The following MAP3K10 variants were observed in gnomAD, a reference collection of about 807,000 sequenced individuals.
MAP3K10 encodes the protein mitogen-activated protein kinase kinase kinase 10.
A neutral mutation model predicts 75.0 loss-of-function variants in MAP3K10; 22 were observed. That is an observed-to-expected ratio of 0.29 (90% CI 0.21 to 0.42). MAP3K10 has a LOEUF of 0.42. MAP3K10 is among the 10% of genes least tolerant of loss of function. The pLI is 1.00. For missense variants in MAP3K10, 1,165 were observed against 1,379.8 expected, an observed-to-expected ratio of 0.84 and a Z score of 2.47; for synonymous variants, 599 against 612.9, an observed-to-expected ratio of 0.98 and a Z score of 0.34.
chr19:40,213,431 G>A lies in MAP3K10; in HGVS notation c.1838-86G>A. 1 of 1,545,248 alleles carries A rather than the reference G, an allele frequency of 6.5e-7. No homozygotes were observed. The highest frequency in any genetic ancestry group is 2.4e-5 in the East Asian group (1 of 41,702). On this transcript the variant is annotated intron_variant, in intron 8 of 9. Coordinates refer to ENST00000253055, the MANE Select transcript of MAP3K10 (RefSeq NM_002446.4). The surrounding 1 kb of genome is among the most constrained non-coding windows in gnomAD (Gnocchi z 5.7). ...GTGGGTCTTGGTCTTGCTGTTGGAG[G>A]GGTCATCGGGGGCTGTCCCTTGGCA... is the stretch of plus-strand genomic sequence containing the variant.
At position 40,191,705 on chromosome 19, in the gene MAP3K10, T is replaced by C; in HGVS notation, c.-327T>C. The C allele has an allele frequency of 8.8e-6, 2 of 227,966 alleles. No homozygotes were observed. Among genetic ancestry groups the C allele is most frequent in the Non-Finnish European group, 1.7e-5 (2 of 118,354 alleles). The allele number at this position is 227,966 out of a possible 1,614,324, so 14.1% of individuals were successfully genotyped here. On this transcript the variant is annotated 5_prime_UTR_variant, in exon 1 of 10. Transcript: ENST00000253055. Reference sequence around the variant, plus strand: ...CGGGGACTGCCTGCCGCCCTCGCCCTCGTCCCCCACCGGCGGACCCCGGCG... The same window carrying C: ...CGGGGACTGCCTGCCGCCCTCGCCCCCGTCCCCCACCGGCGGACCCCGGCG...
chr19:40,209,164 T>C lies in MAP3K10; in HGVS notation c.1497T>C (p.Asp499=). The stretch of plus-strand genomic sequence containing the variant: ...CTCTGGATAAGCGGAAAGGATCCGA[T>C]GGGGCCAGCCCCCCTGCAAGCCCCA... The part of the protein sequence containing the change: ...SPTLDKRKGS[D]GASPPASPSI... The change falls in exon 6 of 10, where the codon GAT becomes GAC. Residue 499 remains aspartate (D), a synonymous_variant. Coordinates refer to ENST00000253055, the MANE Select transcript of MAP3K10 (RefSeq NM_002446.4). The C allele has an allele frequency of 6.2e-7, 1 of 1,614,220 alleles. No individual in the cohort carries two copies. The highest frequency in any genetic ancestry group is 8.5e-7 in the Non-Finnish European group (1 of 1,180,024).
At chr19:40,195,294 C>A (rs1972884188) in intron 1 of MAP3K10, among the ~76,000 whole-genome samples, 1 of 151,910 alleles carries the variant, frequency 6.6e-6, no homozygotes, top group Admixed American at 6.6e-5. Context: ...TTAGGCCCAG[C>A]CTGGGAAATA....
At chr19:40,202,684 C>T (rs965519117) in intron 2 of MAP3K10, among the ~76,000 whole-genome samples, 5 of 152,152 alleles carry the variant, frequency 3.3e-5, no homozygotes, top group Admixed American at 6.6e-5. Context: ...CTCACTCTCC[C>T]ACGCAGGCTA....
chr19:40,200,980 G>A (rs531323697), intron 2 of MAP3K10, among the ~76,000 whole-genome samples: 49 of 151,870 alleles, frequency 3.2e-4, no homozygotes, highest in African/African-American at 1.2e-3. Flanking sequence ...ACACCTCCCC[G>A]CCATAAACTT....
At position 40,206,000 on chromosome 19, in the gene MAP3K10, G is replaced by A; in HGVS notation, c.1278G>A (p.Leu426=). 1 of 1,612,472 alleles carries A rather than the reference G, an allele frequency of 6.2e-7. No individual in the cohort carries two copies. Among genetic ancestry groups the A allele is most frequent in the East Asian group, 2.2e-5 (1 of 44,808 alleles). ...EEQLRRREQE[L]AEREMDIVER... is the part of the protein sequence containing the mutation. ...AGCTGCGGCGGCGGGAGCAGGAGCT[G>A]GCAGAACGTGAGATGGACATCGTGG... Residue 426 remains leucine, a synonymous_variant, in exon 5 of 10, where the codon CTG becomes CTA. Transcript: ENST00000253055. The surrounding 1 kb of genome is among the most constrained non-coding windows in gnomAD (Gnocchi z 4.3).
At chr19:40,197,251 C>T (rs1382296587) in intron 1 of MAP3K10, among the ~76,000 whole-genome samples, 1 of 152,158 alleles carries the variant, frequency 6.6e-6, no homozygotes, top group Non-Finnish European at 1.5e-5. Flanking sequence ...TTGGAATTGG[C>T]ACCCTGTCAT....
chr19:40,205,918 G>A lies in MAP3K10; in HGVS notation c.1196G>A (p.Arg399Gln), dbSNP rs750430245. The A allele has an allele frequency of 2.8e-5, 43 of 1,559,800 alleles. No individual in the cohort carries two copies. The highest frequency in any genetic ancestry group is 9.6e-6 in the Non-Finnish European group (11 of 1,150,034). The change falls in exon 5 of 10, where the codon CGG becomes CAG. Residue 399 changes from arginine to glutamine, a missense_variant. By Grantham distance (43) the Arg-to-Gln change is conservative. Transcript: ENST00000253055. The surrounding 1 kb of genome is among the most constrained non-coding windows in gnomAD (Gnocchi z 4.3). ...DDLRTKEKEL[R>Q]SREEELLRAA... ...ACCGCCTCTCCTTCCCAGGAGCTTC[G>A]GAGCCGTGAGGAGGAGCTGCTGCGG... is the stretch of plus-strand genomic sequence containing the variant.
intron 2 of MAP3K10, among the ~76,000 whole-genome samples, chr19:40,203,426 A>G (rs565596830): frequency 1.3e-3 from 203 of 152,340 alleles, no homozygotes; most frequent in South Asian, 5.6e-3. Context: ...CAGAATGGCC[A>G]TCAGGATCTG....
chr19:40,196,739 G>C (rs1169353510), intron 1 of MAP3K10, among the ~76,000 whole-genome samples: 1 of 151,998 alleles, frequency 6.6e-6, no homozygotes, highest in Non-Finnish European at 1.5e-5. Flanking sequence ...GGCTGGTCTC[G>C]GTCTCCTGAC....
At chr19:40,208,022 C>T (rs1018076925) in intron 5 of MAP3K10, among the ~76,000 whole-genome samples, 4 of 151,950 alleles carry the variant, frequency 2.6e-5, no homozygotes, top group Non-Finnish European at 4.4e-5. Flanking sequence ...GCTACTGTAC[C>T]TGACCCATCA....
chr19:40,191,953 C>T lies in MAP3K10; in HGVS notation c.-79C>T, dbSNP rs1366867551. 9.5e-7 allele frequency: 1 copy of T among 1,053,864 alleles called. No homozygotes were observed. Among genetic ancestry groups the T allele is most frequent in the Admixed American group, 3.4e-5 (1 of 29,462 alleles). 65.3% of individuals were successfully genotyped at this position (1,053,864 alleles called of 1,614,324 possible). A position where few individuals can be genotyped will look rare whatever the true frequency, so the allele number is the denominator to read the frequency against. Reference sequence around the variant, plus strand: ...GACCCCGCAGGGACTGCCCTCCATCCCGGCCGCCGGGGCCCGCCCTCTGCA... The same window carrying T: ...GACCCCGCAGGGACTGCCCTCCATCTCGGCCGCCGGGGCCCGCCCTCTGCA... On this transcript the variant is annotated 5_prime_UTR_variant, in exon 1 of 10. Coordinates refer to ENST00000253055, the MANE Select transcript of MAP3K10 (RefSeq NM_002446.4).
intron 2 of MAP3K10, among the ~76,000 whole-genome samples, chr19:40,200,014 G>A (rs1179150025): frequency 6.6e-6 from 1 of 151,742 alleles, no homozygotes; most frequent in Non-Finnish European, 1.5e-5. Context: ...CAAAAATTCG[G>A]CCAGGCGCGG....
intron 1 of MAP3K10, among the ~76,000 whole-genome samples, chr19:40,195,088 AG>A (rs1972881054): frequency 6.6e-6 from 1 of 152,212 alleles, no homozygotes; most frequent in African/African-American, 2.4e-5. Flanking sequence ...ACTGGAGAAC[AG>A]CAAGACCAGA....
At chr19:40,211,642 C>T (rs1568493646) in intron 6 of MAP3K10, among the ~76,000 whole-genome samples, 1 of 149,776 alleles carries the variant, frequency 6.7e-6, no homozygotes, top group Non-Finnish European at 1.5e-5. Context: ...GCTTTCTGTT[C>T]CTGCATTATT....
chr19:40,192,930 G>T lies in MAP3K10; in HGVS notation c.682+217G>T, dbSNP rs1382651217. ...GTTGAAGGACTTACCTGCCTCCCAG[G>T]CTGCAGAGTCACAATCGCTCAGTAA... On this transcript the variant is annotated intron_variant, in intron 1 of 9. Transcript: ENST00000253055. This position sits in a 1 kb window ranked among gnomAD's most constrained non-coding sequence, Gnocchi z 7.1. Among the ~76,000 whole-genome samples the T allele has an allele frequency of 6.6e-6, 1 of 152,204 alleles. No homozygotes were observed. Among genetic ancestry groups the T allele is most frequent in the African/African-American group, 2.4e-5 (1 of 41,462 alleles).
At chr19:40,193,570 T>C (rs1972854797) in intron 1 of MAP3K10, among the ~76,000 whole-genome samples, 2 of 152,198 alleles carry the variant, frequency 1.3e-5, no homozygotes, top group East Asian at 3.9e-4. Flanking sequence ...AAGACAGCCA[T>C]GGTTTCTGCC....
At chr19:40,209,879 C>T (rs1314301297) in intron 6 of MAP3K10, among the ~76,000 whole-genome samples, 1 of 152,078 alleles carries the variant, frequency 6.6e-6, no homozygotes, top group Non-Finnish European at 1.5e-5. Flanking sequence ...TACCTGTAAT[C>T]CCAGCACTTT....
rs1417436151 is a variant in MAP3K10, at chr19:40,206,172, C to T, written c.1435+15C>T. ...CCTGCCCTCTGGTACCCACCCGTGT[C>T]CCCAGAGCGCCCCCCAAGAGGCTGC... On this transcript the variant is annotated intron_variant, in intron 5 of 9. Transcript: ENST00000253055. 2.5e-6 allele frequency: 4 copies of T among 1,575,354 alleles called. No homozygotes were observed. The highest frequency in any genetic ancestry group is 2.3e-5 in the South Asian group (2 of 87,678).
Sources: gnomAD v4.1 joint callset for allele counts (sites outside exome capture counted in the v4.1 genomes callset) on GRCh38, gnomAD v4.1.1 for gene constraint, Gnocchi (gnomAD v3.1) non-coding constraint, MANE v1.5 for transcripts, NCBI Gene and HGNC (gene_info 2026-07-23, HGNC 2026-07-21) for gene names.